THSD7B: variants seen among roughly 807,000 people sequenced by gnomAD.
The protein encoded by THSD7B is thrombospondin type 1 domain containing 7B, also known as thrombospondin type-1 domain-containing protein 7B.
THSD7B carries 138 observed loss-of-function variants against 213.6 expected under a neutral mutation model. The observed-to-expected ratio is 0.65, with a 90% CI of 0.56 to 0.74. The LOEUF (loss-of-function observed/expected upper bound fraction) is 0.74, where lower values mean the gene tolerates loss of function less well. THSD7B is among the 30% of genes least tolerant of loss of function. THSD7B has a pLI of 0.00. For missense variants in THSD7B, 1,931 were observed against 1,991.5 expected (o/e 0.97, Z 0.58); for synonymous variants, 742 against 687.0 (o/e 1.08, Z -1.25).
intron 17 of THSD7B, among the ~76,000 whole-genome samples, chr2:137,614,399 T>A (rs1389125911): frequency 6.6e-6 from 1 of 152,148 alleles, no homozygotes; most frequent in East Asian, 1.9e-4. Flanking sequence ...TTTTCTCTTT[T>A]ACTTGATAGC....
chr2:136,776,026 T>C (rs1681596481), intron 1 of THSD7B, among the ~76,000 whole-genome samples: 1 of 152,148 alleles, frequency 6.6e-6, no homozygotes, highest in Non-Finnish European at 1.5e-5. Flanking sequence ...ATATGTACTA[T>C]GGTTGGCCCA....
At chr2:137,633,562 C>A (rs1377377571) in intron 20 of THSD7B, among the ~76,000 whole-genome samples, 1 of 152,094 alleles carries the variant, frequency 6.6e-6, no homozygotes, top group Non-Finnish European at 1.5e-5. Context: ...TGGAGCAAGA[C>A]AAATCTTTGT....
chr2:137,624,218 G>C (rs530323025), intron 20 of THSD7B, among the ~76,000 whole-genome samples: 3 of 152,096 alleles, frequency 2.0e-5, no homozygotes, highest in Non-Finnish European at 4.4e-5. Context: ...ACAAAAACAA[G>C]AAATGGGAAA....
At chr2:137,191,653 C>T (rs80210104) in intron 7 of THSD7B, among the ~76,000 whole-genome samples, 1,882 of 152,116 alleles carry the variant, frequency 0.012, 37 homozygotes, top group East Asian at 0.054. Context: ...GGCTGCCCAC[C>T]GTCCTGCACT....
At chr2:137,009,772 C>T (rs574382700) in intron 2 of THSD7B, among the ~76,000 whole-genome samples, 53 of 152,154 alleles carry the variant, frequency 3.5e-4, no homozygotes, top group South Asian at 2.1e-3. Flanking sequence ...GGGAATTATC[C>T]GGGGCTACAA....
chr2:137,444,565 A>G (rs1309082180), intron 14 of THSD7B, among the ~76,000 whole-genome samples: 1 of 152,006 alleles, frequency 6.6e-6, no homozygotes. Context: ...AAAACTGGAT[A>G]TCCATGTGCA....
At chr2:137,404,464 T>C (rs866351881) in intron 12 of THSD7B, among the ~76,000 whole-genome samples, 852 of 74,136 alleles carry the variant, frequency 0.011, 9 homozygotes, top group South Asian at 0.03. Context: ...TATATATATA[T>C]ATATATATAT....
At chr2:137,386,725 A>G (rs1685904822) in intron 12 of THSD7B, among the ~76,000 whole-genome samples, 1 of 152,056 alleles carries the variant, frequency 6.6e-6, no homozygotes, top group African/African-American at 2.4e-5. Flanking sequence ...TCATAATTGA[A>G]AAGAAGCAAA....
chr2:137,391,920 C>T (rs772918590), intron 12 of THSD7B, among the ~76,000 whole-genome samples: 9 of 152,076 alleles, frequency 5.9e-5, no homozygotes, highest in Non-Finnish European at 1.0e-4. Context: ...TTGCTGTACC[C>T]AACAAGTTTT....
chr2:137,237,113 CAAAA>C (rs70978209), intron 9 of THSD7B, among the ~76,000 whole-genome samples: 19 of 109,580 alleles, frequency 1.7e-4, no homozygotes, highest in Admixed American at 9.3e-5. Flanking sequence ...AACTCCGTCT[CAAAA>C]AAAAAAAAAA....
At chr2:137,651,152 T>C (rs1158115799) in intron 21 of THSD7B, among the ~76,000 whole-genome samples, 1 of 152,136 alleles carries the variant, frequency 6.6e-6, no homozygotes, top group Non-Finnish European at 1.5e-5. Flanking sequence ...GAATTGGTAT[T>C]AGTTCTATGT....
At chr2:137,217,616 G>C (rs954685594) in intron 7 of THSD7B, among the ~76,000 whole-genome samples, 1 of 152,128 alleles carries the variant, frequency 6.6e-6, no homozygotes, top group Non-Finnish European at 1.5e-5. Context: ...GTAGAACCTT[G>C]ATCAAATATA....
chr2:137,432,429 G>T (rs1687207813), intron 14 of THSD7B, among the ~76,000 whole-genome samples: 1 of 152,030 alleles, frequency 6.6e-6, no homozygotes, highest in Non-Finnish European at 1.5e-5. Flanking sequence ...AAAATTGTCG[G>T]CATAAGAGGA....
chr2:137,137,401 G>T (rs146442852), intron 5 of THSD7B, among the ~76,000 whole-genome samples: 11 of 152,154 alleles, frequency 7.2e-5, no homozygotes, highest in Admixed American at 1.3e-4. Flanking sequence ...GTCAGGTACT[G>T]CATAACCATG....
chr2:137,317,442 G>C (rs1432242862), intron 12 of THSD7B, among the ~76,000 whole-genome samples: 4 of 152,150 alleles, frequency 2.6e-5, no homozygotes, highest in Non-Finnish European at 5.9e-5. Context: ...TCTATTTTTA[G>C]AGGATCAAGT....
chr2:137,477,558 C>A (rs949300192), intron 15 of THSD7B, among the ~76,000 whole-genome samples: 9 of 151,622 alleles, frequency 5.9e-5, no homozygotes, highest in African/African-American at 2.2e-4. Context: ...TTATTCCTTT[C>A]ATTTTATTAA....
At chr2:137,433,443 A>G (rs369610107) in intron 14 of THSD7B, among the ~76,000 whole-genome samples, 1 of 150,576 alleles carries the variant, frequency 6.6e-6, no homozygotes, top group African/African-American at 2.5e-5. Flanking sequence ...AACAATCTCC[A>G]CCTCCTGGGT....
intron 7 of THSD7B, among the ~76,000 whole-genome samples, chr2:137,188,657 A>G (rs1411874280): frequency 4.6e-5 from 7 of 152,150 alleles, no homozygotes; most frequent in Non-Finnish European, 2.9e-5. Context: ...TAAAGTACAT[A>G]CTGACACTTT....
intron 15 of THSD7B, among the ~76,000 whole-genome samples, chr2:137,465,417 C>T (rs1300873985): frequency 6.6e-6 from 1 of 152,100 alleles, no homozygotes; most frequent in Non-Finnish European, 1.5e-5. Flanking sequence ...ACCCCTGCTC[C>T]TCTTCCTGGA....
Sources: gnomAD v4.1 joint callset for allele counts (sites outside exome capture counted in the v4.1 genomes callset) on GRCh38, gnomAD v4.1.1 for gene constraint, MANE v1.5 for transcripts, NCBI Gene and HGNC (gene_info 2026-07-23, HGNC 2026-07-21) for gene names.